The following ABHD5 variants were observed in gnomAD, a reference collection of about 807,000 sequenced individuals.
ABHD5 encodes the protein 1-acylglycerol-3-phosphate O-acyltransferase ABHD5.
In ABHD5, 30 loss-of-function variants were observed where a neutral mutation model predicts 44.9. That is an observed-to-expected ratio of 0.67 (90% confidence interval 0.50 to 0.91). The LOEUF (loss-of-function observed/expected upper bound fraction) is 0.91. ABHD5 is among the 40% of genes least tolerant of loss of function. ABHD5 has a pLI of 0.00. For synonymous variants in ABHD5, 167 were observed against 147.0 expected, an observed-to-expected ratio of 1.14 and a Z score of -0.99; for missense variants, 399 against 423.4, an observed-to-expected ratio of 0.94 and a Z score of 0.50.
chr3:43,694,141 C>T (rs559575631), intron 1 of ABHD5, among the ~76,000 whole-genome samples: 4 of 151,538 alleles, frequency 2.6e-5, no homozygotes, highest in Non-Finnish European at 5.9e-5. Flanking sequence ...CGCCTGTAGT[C>T]CCAGCTACTC....
intron 7 of ABHD5, chr3:43,733,829 A>G (rs1697290893): frequency 6.6e-6 from 1 of 152,236 alleles, no homozygotes; most frequent in South Asian, 2.1e-4. Flanking sequence ...GAATGTCTTT[A>G]AGATGACATG....
intron 1 of ABHD5, among the ~76,000 whole-genome samples, chr3:43,697,621 G>C (rs2084489516): frequency 1.3e-5 from 2 of 152,104 alleles, no homozygotes; most frequent in African/African-American, 4.8e-5. Flanking sequence ...ATTTATAAGA[G>C]CTGTGCAAAG....
chr3:43,702,929 C>T (rs1469482925), intron 3 of ABHD5, among the ~76,000 whole-genome samples: 3 of 152,080 alleles, frequency 2.0e-5, no homozygotes, highest in Admixed American at 2.0e-4. Flanking sequence ...CTAATGTTTT[C>T]TAAGTTATAG....
downstream of ABHD5, among the ~76,000 whole-genome samples, chr3:43,727,632 A>G (rs1441359038): frequency 6.6e-6 from 1 of 152,176 alleles, no homozygotes; most frequent in Non-Finnish European, 1.5e-5. Flanking sequence ...GTTTTGAGGC[A>G]GAGTTTCGCT....
chr3:43,704,610 A>T (rs1447669771), intron 3 of ABHD5, among the ~76,000 whole-genome samples: 1 of 152,204 alleles, frequency 6.6e-6, no homozygotes, highest in Admixed American at 6.5e-5. Flanking sequence ...CTCTCTACTG[A>T]TAAGGTCAGT....
chr3:43,691,060 G>A, intron 1 of ABHD5, 21 bp downstream of exon 1: 3 of 1,534,838 alleles, frequency 2.0e-6, no homozygotes, highest in East Asian at 2.7e-5. Flanking sequence ...CCGGCAGGGG[G>A]CTTCGTGTGT....
At chr3:43,696,972 A>G (rs1442712011) in intron 1 of ABHD5, among the ~76,000 whole-genome samples, 1 of 152,190 alleles carries the variant, frequency 6.6e-6, no homozygotes, top group Admixed American at 6.5e-5. Flanking sequence ...GCCTCTTCTT[A>G]TGGTTGAAGA....
rs1252251412 is a variant in ABHD5, at chr3:43,720,797, CTGT to C, written c.*2270_*2272del. 1.3e-5 allele frequency: 2 copies of C among 151,978 alleles called. No individual in the cohort carries two copies. Among genetic ancestry groups the C allele is most frequent in the Admixed American group, 1.3e-4 (2 of 15,252 alleles). 9.4% of individuals were successfully genotyped at this position (151,978 alleles called of 1,614,324 possible). On this transcript the variant is annotated 3_prime_UTR_variant, in exon 7 of 7. Coordinates refer to ENST00000644371, the MANE Select transcript of ABHD5 (RefSeq NM_016006.6). ...TCCAGCAAATGTTCAGTAAATGCTG[CTGT>C]TGTTCTTAGGGAAGGCTACTCTGGG...
Position 43,720,796 on chromosome 3 carries a change from G to A in ABHD5, c.*2264G>A, listed in dbSNP as rs2084826261. ...ATCCAGCAAATGTTCAGTAAATGCTGCTGTTGTTCTTAGGGAAGGCTACTC... is the reference window on the plus strand; with the variant it reads ...ATCCAGCAAATGTTCAGTAAATGCTACTGTTGTTCTTAGGGAAGGCTACTC... On this transcript the variant is annotated 3_prime_UTR_variant, in exon 7 of 7. Transcript: ENST00000644371. 6.6e-6 allele frequency: 1 copy of A among 152,110 alleles called. No individual in the cohort carries two copies. The highest frequency in any genetic ancestry group is 2.4e-5 in the African/African-American group (1 of 41,422). The allele number at this position is 152,110 out of a possible 1,614,324, so 9.4% of individuals were successfully genotyped here.
At chr3:43,718,287 TTAA>T (rs2084793248) in intron 6 of ABHD5, among the ~76,000 whole-genome samples, 153 bp from the exon 7 acceptor site, 1 of 152,270 alleles carries the variant, frequency 6.6e-6, no homozygotes, top group Admixed American at 6.5e-5. Flanking sequence ...ATGGATATAC[TTAA>T]TAGTTACTAT....
intron 7 of ABHD5, among the ~76,000 whole-genome samples, chr3:43,730,777 A>G (rs1443300937): frequency 6.6e-6 from 1 of 152,110 alleles, no homozygotes; most frequent in African/African-American, 2.4e-5. Flanking sequence ...AAATGTTGAG[A>G]TTGCAGGCAT....
At chr3:43,705,342 G>A (rs749931087) in intron 3 of ABHD5, among the ~76,000 whole-genome samples, 22 of 152,150 alleles carry the variant, frequency 1.4e-4, no homozygotes, top group Admixed American at 1.4e-3. Flanking sequence ...TGCCCAGTTA[G>A]TCTACATCTT....
Position 43,718,502 on chromosome 3 carries a change from A to G in ABHD5, c.1020A>G (p.Lys340=). Residue 340 remains lysine, a synonymous_variant, in exon 7 of 7, where the codon AAA becomes AAG. Transcript: ENST00000644371. The part of the protein sequence containing the change: ...YADQPEEFNQ[K]VKEICDTVD ...ATCAACCAGAAGAATTCAACCAGAA[A>G]GTAAAGGAGATCTGCGACACTGTGG... The G allele has an allele frequency of 6.2e-7, 1 of 1,614,160 alleles. No homozygotes were observed. The highest frequency in any genetic ancestry group is 8.5e-7 in the Non-Finnish European group (1 of 1,180,004).
intron 4 of ABHD5, 106 bp downstream of exon 4, chr3:43,711,969 C>T: frequency 2.0e-6 from 3 of 1,488,744 alleles, no homozygotes. Flanking sequence ...AACCCTGAAC[C>T]CTTACTTTTT....
chr3:43,699,252 G>GAA, intron 1 of ABHD5, 24 bp from the exon 2 acceptor site: 1 of 1,598,718 alleles, frequency 6.3e-7, no homozygotes, highest in Non-Finnish European at 8.6e-7. Flanking sequence ...TCACCTATTT[G>GAA]TTATTTTGTT....
rs2084813993 is a variant in ABHD5 at position 43,719,973 on chromosome 3, T to G, written c.*1441T>G. 1 of 152,204 alleles carries G rather than the reference T, an allele frequency of 6.6e-6. No homozygotes were observed. Among genetic ancestry groups the G allele is most frequent in the Non-Finnish European group, 1.5e-5 (1 of 68,038 alleles). 9.4% of individuals were successfully genotyped at this position (152,204 alleles called of 1,614,324 possible). A position where few individuals can be genotyped will look rare whatever the true frequency, so the allele number is the denominator to read the frequency against. On this transcript the variant is annotated 3_prime_UTR_variant, in exon 7 of 7. Coordinates refer to ENST00000644371, the MANE Select transcript of ABHD5 (RefSeq NM_016006.6). ...TAAGGTTGTGTCACTGTTGATTAAC[T>G]GCCAGAAAGACTGAATGTTCTATTT... is the stretch of plus-strand genomic sequence containing the variant.
At chr3:43,718,066 A>G (rs998726605) in intron 6 of ABHD5, among the ~76,000 whole-genome samples, 1 of 152,110 alleles carries the variant, frequency 6.6e-6, no homozygotes, top group Non-Finnish European at 1.5e-5. Flanking sequence ...TTTCTGAATG[A>G]CTTTTCCTGT....
At chr3:43,726,698 G>A (rs1362874774), downstream of ABHD5, among the ~76,000 whole-genome samples, 3 of 152,250 alleles carry the variant, frequency 2.0e-5, no homozygotes, top group African/African-American at 7.2e-5. Flanking sequence ...AGCATGAGAT[G>A]TGGATTGTGC....
intron 3 of ABHD5, among the ~76,000 whole-genome samples, chr3:43,705,547 A>G (rs1225889628): frequency 6.6e-6 from 1 of 152,260 alleles, no homozygotes; most frequent in Non-Finnish European, 1.5e-5. Context: ...TAGTTAGTTT[A>G]GAAGTGTGTT....
Sources: gnomAD v4.1 joint callset for allele counts (sites outside exome capture counted in the v4.1 genomes callset) on GRCh38, gnomAD v4.1.1 for gene constraint, MANE v1.5 for transcripts, NCBI Gene and HGNC (gene_info 2026-07-23, HGNC 2026-07-21) for gene names.